SLC22A15: variants seen among roughly 807,000 people sequenced by gnomAD.
The protein encoded by SLC22A15 is solute carrier family 22 member 15, also known as flipt 1.
Under a neutral mutation model 62.7 loss-of-function variants are expected in SLC22A15, and 45 were observed. The observed-to-expected ratio is 0.72, with a 90% CI of 0.56 to 0.92. The LOEUF is 0.92. Ranked by LOEUF, SLC22A15 falls within the 40% of genes least tolerant of loss-of-function variation. The probability of loss-of-function intolerance (pLI) is 0.00; values close to 1 mark genes in which losing one functional copy is unlikely to be tolerated. For synonymous variants in SLC22A15, 264 were observed against 267.0 expected (o/e 0.99, Z 0.11); for missense variants, 622 against 665.6 (o/e 0.93, Z 0.72).
chr1:116,058,118 G>A (rs1325853731), intron 8 of SLC22A15, among the ~76,000 whole-genome samples: 1 of 151,298 alleles, frequency 6.6e-6, no homozygotes, highest in Non-Finnish European at 1.5e-5. Context: ...AAAATAGTTG[G>A]GACTTAATTA....
chr1:115,986,103 A>AG (rs1231517730), intron 1 of SLC22A15, among the ~76,000 whole-genome samples: 5 of 152,230 alleles, frequency 3.3e-5, no homozygotes, highest in African/African-American at 1.2e-4. Context: ...TTGGCTCCCT[A>AG]AAATGCTGGG....
intron 8 of SLC22A15, among the ~76,000 whole-genome samples, chr1:116,057,521 C>G (rs1353910700): frequency 6.6e-6 from 1 of 152,088 alleles, no homozygotes; most frequent in Non-Finnish European, 1.5e-5. Context: ...GATCTAGAAC[C>G]AGAAATACCA....
intron 8 of SLC22A15, among the ~76,000 whole-genome samples, chr1:116,055,219 G>A (rs1658168849): frequency 6.6e-6 from 1 of 151,808 alleles, no homozygotes; most frequent in African/African-American, 2.4e-5. Context: ...ATGATAAAGG[G>A]GATATCACCA....
Position 116,066,716 on chromosome 1 carries a change from A to G in SLC22A15, c.1554+8A>G. ...GCTTTGGACCCCCAACAGGTGTGAT[A>G]TTTTTCTTAATTATTATACCGCTTG... On this transcript the variant is annotated splice_region_variant and intron_variant, in intron 11 of 11. Transcript: ENST00000369503. 2 of 1,605,284 alleles carry G rather than the reference A, an allele frequency of 1.2e-6. No individual in the cohort carries two copies. The highest frequency in any genetic ancestry group is 1.7e-6 in the Non-Finnish European group (2 of 1,176,318).
chr1:115,977,034 T>G (rs1012581202), intron 1 of SLC22A15, among the ~76,000 whole-genome samples: 19 of 152,280 alleles, frequency 1.2e-4, no homozygotes, highest in Non-Finnish European at 2.4e-4. Flanking sequence ...TGCAAAATTG[T>G]GTTACCTGCC....
At chr1:115,978,676 G>A (rs1654445319) in intron 1 of SLC22A15, among the ~76,000 whole-genome samples, 4 of 152,082 alleles carry the variant, frequency 2.6e-5, no homozygotes, top group African/African-American at 9.7e-5. Flanking sequence ...AGCTACCCTG[G>A]GTATGAGAGT....
At chr1:116,059,990 ATAGTT>A (rs1425040261) in intron 8 of SLC22A15, among the ~76,000 whole-genome samples, 1 of 152,180 alleles carries the variant, frequency 6.6e-6, no homozygotes, top group Non-Finnish European at 1.5e-5. Context: ...TTTTAAAAAG[ATAGTT>A]TAGTTTTGCT....
At chr1:116,011,389 G>A (rs1264345195) in intron 2 of SLC22A15, among the ~76,000 whole-genome samples, 1 of 152,116 alleles carries the variant, frequency 6.6e-6, no homozygotes, top group Non-Finnish European at 1.5e-5. Flanking sequence ...TCAAGAGAAT[G>A]GCATTCGGTG....
chr1:116,057,814 A>G (rs1312672214), intron 8 of SLC22A15, among the ~76,000 whole-genome samples: 3 of 152,158 alleles, frequency 2.0e-5, no homozygotes, highest in Admixed American at 6.5e-5. Flanking sequence ...AGGACAAAAA[A>G]CCAAACACCA....
At chr1:116,000,476 T>G (rs564512164) in intron 2 of SLC22A15, among the ~76,000 whole-genome samples, 2 of 152,286 alleles carry the variant, frequency 1.3e-5, no homozygotes, top group South Asian at 4.1e-4. Context: ...GTTCTAATTA[T>G]TATTTTTGAT....
At chr1:116,066,431 G>A (rs1160804530) in intron 10 of SLC22A15, 89 bp from the exon 11 acceptor site, 1 of 1,235,220 alleles carries the variant, frequency 8.1e-7, no homozygotes, top group South Asian at 1.6e-5. Flanking sequence ...TGGTAAACAT[G>A]ACAGTTTTTC....
intron 5 of SLC22A15, among the ~76,000 whole-genome samples, chr1:116,028,943 T>G (rs1657243040): frequency 2.0e-5 from 3 of 152,218 alleles, no homozygotes; most frequent in Admixed American, 6.5e-5. Context: ...TTGTCTTTCT[T>G]TTTTGAATTC....
chr1:116,060,441 A>G (rs1557909741), intron 8 of SLC22A15, among the ~76,000 whole-genome samples: 3 of 152,198 alleles, frequency 2.0e-5, no homozygotes, highest in Non-Finnish European at 4.4e-5. Flanking sequence ...CTAGCTTTGG[A>G]TCTTGTGGGT....
In SLC22A15 at chr1:115,979,228, T is replaced by A. The variant is rs555503101; in HGVS notation, c.87+2514T>A. 7.5e-4 allele frequency among the ~76,000 whole-genome samples: 114 copies of A among 152,340 alleles called. 1 individual carries two copies. In the South Asian group the frequency reaches 0.023, roughly 31 times the overall value. On this transcript the variant is annotated intron_variant, in intron 1 of 11. Transcript: ENST00000369503. ...AAGGGTTTTTGGTTAACTGTTTTCTTGAATTATTGGTACCATCATGTAGAT... is the reference window on the plus strand; with the variant it reads ...AAGGGTTTTTGGTTAACTGTTTTCTAGAATTATTGGTACCATCATGTAGAT...
chr1:115,995,854 G>T (rs1340275724), intron 2 of SLC22A15, among the ~76,000 whole-genome samples: 1 of 152,094 alleles, frequency 6.6e-6, no homozygotes, highest in Non-Finnish European at 1.5e-5. Context: ...TGAAATAATT[G>T]TGGATTTGCA....
At chr1:115,977,241 A>G (rs1243651665) in intron 1 of SLC22A15, among the ~76,000 whole-genome samples, 1 of 152,134 alleles carries the variant, frequency 6.6e-6, no homozygotes, top group Non-Finnish European at 1.5e-5. Flanking sequence ...AGGGGCTTTC[A>G]AAGCATAGGA....
At chr1:115,990,308 T>C (rs750668213) in intron 1 of SLC22A15, among the ~76,000 whole-genome samples, 3 of 152,226 alleles carry the variant, frequency 2.0e-5, no homozygotes, top group Non-Finnish European at 4.4e-5. Context: ...TTTGCCTAAT[T>C]GAAGGCTGTG....
At position 116,026,993 on chromosome 1, in the gene SLC22A15, G is replaced by A. The variant is rs1482352582; in HGVS notation, c.699G>A (p.Leu233=). The change falls in exon 5 of 12, where the codon CTG becomes CTA. Residue 233 remains leucine (L), a synonymous_variant. Coordinates refer to ENST00000369503, the MANE Select transcript of SLC22A15 (RefSeq NM_018420.3). The part of the protein sequence containing the change: ...SWRTLAILVN[L]QGTVVFLLSL... ...GGACCCTAGCCATTCTGGTTAACCT[G>A]CAGGGAACGGTGGTCTTTCTCTTAT... The A allele has an allele frequency of 2.5e-6, 4 of 1,613,702 alleles. No individual in the cohort carries two copies. The highest frequency in any genetic ancestry group is 3.4e-6 in the Non-Finnish European group (4 of 1,179,772).
At chr1:116,032,052 A>G (rs1657431945) in intron 6 of SLC22A15, 1 of 984,920 alleles carries the variant, frequency 1.0e-6, no homozygotes, top group Non-Finnish European at 1.2e-6. Flanking sequence ...TCACTAACTC[A>G]CTGAGGTGGG....
Sources: gnomAD v4.1 joint callset for allele counts (sites outside exome capture counted in the v4.1 genomes callset) on GRCh38, gnomAD v4.1.1 for gene constraint, MANE v1.5 for transcripts, NCBI Gene and HGNC (gene_info 2026-07-23, HGNC 2026-07-21) for gene names.